The following PDZD4 variants were observed in gnomAD, a reference collection of about 807,000 sequenced individuals.
The protein encoded by PDZD4 is PDZ domain-containing protein 4.
In PDZD4, 9 loss-of-function variants were observed where a neutral mutation model predicts 38.5. That is an observed-to-expected ratio of 0.23 (90% CI 0.14 to 0.41). The LOEUF (loss-of-function observed/expected upper bound fraction) is 0.41. Ranked by LOEUF, PDZD4 falls within the 10% of genes least tolerant of loss-of-function variation. The pLI, the probability that PDZD4 is intolerant of heterozygous loss-of-function variation, is 1.00. For missense variants in PDZD4, 612 were observed against 722.0 expected, an observed-to-expected ratio of 0.85 and a Z score of 1.75; for synonymous variants, 349 against 315.7, an observed-to-expected ratio of 1.11 and a Z score of -1.12.
chrX:153,804,527 C>A lies in PDZD4; in HGVS notation c.1154G>T (p.Arg385Leu), dbSNP rs1280291881. 1 of 1,209,625 alleles carries A rather than the reference C, an allele frequency of 8.3e-7. No individual in the cohort carries two copies. Among genetic ancestry groups the A allele is most frequent in the Non-Finnish European group, 1.1e-6 (1 of 895,280 alleles). The change falls in exon 8 of 8, where the codon CGG (arginine) becomes CTG (leucine). Residue 385 changes from arginine to leucine, a missense_variant. Coordinates refer to ENST00000393758, the MANE Select transcript of PDZD4 (RefSeq NM_001303512.2). Reference sequence around the variant, plus strand: ...CAGGGCGCTGTTGCCTCCGGAGGCCCGGGGAAAGAGGAGGCCCAGCTGGTT... The same window carrying A: ...CAGGGCGCTGTTGCCTCCGGAGGCCAGGGGAAAGAGGAGGCCCAGCTGGTT... ...NGNQLGLLFP[R>L]ASGGNSALDV...
chrX:153,808,048 C>G (rs921029623), intron 2 of PDZD4: 1 of 1,055,719 alleles, frequency 9.5e-7, no homozygotes, highest in Non-Finnish European at 1.2e-6. Flanking sequence ...TGTGAGGCGG[C>G]AGAGGAGAGA....
Position 153,814,488 on chromosome X carries a change from C to CCA in PDZD4, c.61-5894_61-5893insTG, listed in dbSNP as rs1557079439. 4.7e-5 allele frequency among the ~76,000 whole-genome samples: 4 copies of CCA among 85,828 alleles called. 1 individual carries two copies. The highest frequency in any genetic ancestry group is 1.7e-4 in the African/African-American group (4 of 23,598). The allele number at this position is 85,828 out of a possible 115,157, so 74.5% of individuals were successfully genotyped here. A position where few individuals can be genotyped will look rare whatever the true frequency, so the allele number is the denominator to read the frequency against. On this transcript the variant is annotated intron_variant, in intron 1 of 7. Coordinates refer to ENST00000393758, the MANE Select transcript of PDZD4 (RefSeq NM_001303512.2). ...GACTCCATCCACCCCCCACCCCCCC[C>CCA]CCAAAAAAAAGTCTCCTTCATCAAG...
At chrX:153,807,724 C>T in intron 2 of PDZD4, 1 of 460,533 alleles carries the variant, frequency 2.2e-6, no homozygotes, top group South Asian at 4.0e-5. Flanking sequence ...CCCACTCATG[C>T]AACGCCCCCA....
At chrX:153,816,764 T>C (rs1026516620) in intron 1 of PDZD4, among the ~76,000 whole-genome samples, 1 of 111,113 alleles carries the variant, frequency 9.0e-6, no homozygotes, top group Non-Finnish European at 1.9e-5. Flanking sequence ...CTTCCTTCCT[T>C]GTAGCGAAGG....
At chrX:153,819,007 C>A (rs1334182575) in intron 1 of PDZD4, among the ~76,000 whole-genome samples, 5 of 112,560 alleles carry the variant, frequency 4.4e-5, no homozygotes, top group African/African-American at 1.6e-4. Context: ...ACTGGCGGGC[C>A]TTAGGGGACG....
rs1008872147 is a variant in PDZD4 at position 153,810,925 on chromosome X, A to G, written c.61-2330T>C. Reference sequence around the variant, plus strand: ...ATTCTGAAAAGAGCTTTTTGTCAAAATCAGTTTTGTCCGATTATAAAAGAA... The same window carrying G: ...ATTCTGAAAAGAGCTTTTTGTCAAAGTCAGTTTTGTCCGATTATAAAAGAA... On this transcript the variant is annotated intron_variant, in intron 1 of 7. Transcript: ENST00000393758. Among the ~76,000 whole-genome samples the G allele has an allele frequency of 2.7e-5, 3 of 112,657 alleles. No homozygotes were observed. The Admixed American group carries it at 2.8e-4, about 11-fold the overall frequency.
Position 153,804,871 on chromosome X carries a change from G to C in PDZD4, c.810C>G (p.Pro270=), listed in dbSNP as rs1557076332. 4 of 1,209,755 alleles carry C rather than the reference G, an allele frequency of 3.3e-6. No individual in the cohort carries two copies. The highest frequency in any genetic ancestry group is 4.5e-6 in the Non-Finnish European group (4 of 894,462). ...QPGNEEEKGA[P]DAGPGLSNSQ... ...TGTTGCTCAGGCCTGGGCCGGCATC[G>C]GGAGCCCCCTTCTCCTCTTCGTTTC... The change falls in exon 8 of 8, where the codon CCC becomes CCG. Residue 270 remains proline, a synonymous_variant. Coordinates refer to ENST00000393758, the MANE Select transcript of PDZD4 (RefSeq NM_001303512.2).
intron 1 of PDZD4, chrX:153,829,833 C>T (rs1334118142): frequency 2.6e-6 from 2 of 767,966 alleles, no homozygotes; most frequent in East Asian, 1.4e-4. Context: ...GGACCGCGCC[C>T]GGGGACGCCC....
At position 153,805,169 on chromosome X, in the gene PDZD4, G is replaced by A. The variant is rs782583800; in HGVS notation, c.708C>T (p.Phe236=). 8.3e-7 allele frequency: 1 copy of A among 1,211,578 alleles called. No individual in the cohort carries two copies. Among genetic ancestry groups the A allele is most frequent in the East Asian group, 3.0e-5 (1 of 33,838 alleles). Residue 236 remains phenylalanine (F), a synonymous_variant, in exon 7 of 8, where the codon TTC becomes TTT. Coordinates refer to ENST00000393758, the MANE Select transcript of PDZD4 (RefSeq NM_001303512.2). The stretch of plus-strand genomic sequence containing the variant: ...CATTCTCAGAGCCAAAGTCATCCAG[G>A]AAGTCATCCCGGTCGCTGTCCTTCC... ...KRWKDSDRDD[F]LDDFGSENEG...
At position 153,803,794 on chromosome X, in the gene PDZD4, C is replaced by G. The variant is rs782493350; in HGVS notation, c.1887G>C (p.Glu629Asp). 4.1e-6 allele frequency: 5 copies of G among 1,205,685 alleles called. No homozygotes were observed. The East Asian group carries it at 1.5e-4, about 36-fold the overall frequency. The change falls in exon 8 of 8, where the codon GAG becomes GAC. Residue 629 changes from glutamate (E) to aspartate (D), a missense_variant. Physicochemically the swap from Glu to Asp is conservative, Grantham distance 45. This residue lies in a region of PDZD4 where 300 missense variants were observed against 284.6 expected (regional missense o/e 1.05). Transcript: ENST00000393758. ...AAAATEAPRM[E>D]WKVKVRSDGT... The stretch of plus-strand genomic sequence containing the variant: ...CGTCGCTGCGCACCTTCACTTTCCA[C>G]TCCATGCGCGGTGCTTCAGTGGCCG...
chrX:153,803,736 C>G lies in PDZD4; in HGVS notation c.1945G>C (p.Asp649His), dbSNP rs1557075425. 1 of 1,209,629 alleles carries G rather than the reference C, an allele frequency of 8.3e-7. No individual in the cohort carries two copies. Among genetic ancestry groups the G allele is most frequent in the Admixed American group, 2.2e-5 (1 of 46,185 alleles). ...TRYVAKRPVR[D>H]RLLKARALKI... ...AGGGCACGGGCTTTCAGCAGCCGAT[C>G]TCGCACGGGCCGCTTGGCCACGTAG... The change falls in exon 8 of 8, where the codon GAT (aspartate) becomes CAT (histidine). Residue 649 changes from aspartate to histidine, a missense_variant. By Grantham distance (81) the Asp-to-His change is moderately conservative. Around this residue, in one of 3 missense-constraint regions of PDZD4, gnomAD observed 87 missense variants for 126.3 expected, o/e 0.69. Transcript: ENST00000393758.
intron 1 of PDZD4, among the ~76,000 whole-genome samples, chrX:153,809,481 G>A (rs1287178365): frequency 1.2e-4 from 14 of 112,380 alleles, no homozygotes; most frequent in African/African-American, 4.2e-4. Context: ...CAGCTCCTCG[G>A]GAGGCTGAGG....
intron 1 of PDZD4, 108 bp downstream of exon 1, chrX:153,830,131 T>A (rs1557083434): frequency 2.6e-5 from 20 of 757,193 alleles, no homozygotes; most frequent in African/African-American, 2.1e-4. Flanking sequence ...CCCTACCTTG[T>A]CCTCCTCGAG....
rs782659937 is a variant in PDZD4 at position 153,804,535 on chromosome X, G to T, written c.1146C>A (p.Leu382=). The change falls in exon 8 of 8, where the codon CTC becomes CTA. Residue 382 remains leucine, a synonymous_variant. Coordinates refer to ENST00000393758, the MANE Select transcript of PDZD4 (RefSeq NM_001303512.2). Reference sequence around the variant, plus strand: ...TGTTGCCTCCGGAGGCCCGGGGAAAGAGGAGGCCCAGCTGGTTGCCGTTCT... The same window carrying T: ...TGTTGCCTCCGGAGGCCCGGGGAAATAGGAGGCCCAGCTGGTTGCCGTTCT... ...HLENGNQLGL[L]FPRASGGNSA... 2.5e-5 allele frequency: 30 copies of T among 1,208,625 alleles called. No homozygotes were observed. In the South Asian group the frequency reaches 5.3e-4, roughly 21 times the overall value.
Position 153,804,294 on chromosome X carries a change from A to G in PDZD4, c.1387T>C (p.Ser463Pro). The G allele has an allele frequency of 8.3e-7, 1 of 1,208,166 alleles. No homozygotes were observed. The highest frequency in any genetic ancestry group is 2.5e-4 in the Middle Eastern group (1 of 3,989). The change falls in exon 8 of 8, where the codon TCC (serine) becomes CCC (proline). Residue 463 changes from serine (S) to proline (P), a missense_variant. Ser to Pro is a moderately conservative substitution (Grantham distance 74). Transcript: ENST00000393758. ...TTGTCCGACTTCTCGGGCAGCTCGG[A>G]GATGTCGGACAGCTCGTGCTTCTTG... ...EPKKHELSDI[S>P]ELPEKSDKDS...
intron 2 of PDZD4, 36 bp downstream of exon 2, chrX:153,808,306 G>T (rs782547960): frequency 3.4e-5 from 40 of 1,171,402 alleles, no homozygotes; most frequent in Non-Finnish European, 4.6e-5. Context: ...GTCCTCTCTG[G>T]AGGCAGGGCC....
At chrX:153,809,719 A>T (rs1403706109) in intron 1 of PDZD4, among the ~76,000 whole-genome samples, 4 of 113,178 alleles carry the variant, frequency 3.5e-5, no homozygotes, top group African/African-American at 1.3e-4. Context: ...ATTGCAGATG[A>T]GGAAACCATG....
Position 153,803,478 on chromosome X carries a change from T to C in PDZD4, c.2203A>G (p.Met735Val). ...AGGATCTTCTTGTTCCGCTTCTTCA[T>C]GGTTTTGCGGTGGCTCAGGGCAATG... ...NIIALSHRKTMKKRNKKILDN... is the reference protein window; with the variant it reads ...NIIALSHRKTVKKRNKKILDN... The change falls in exon 8 of 8, where the codon ATG becomes GTG. Residue 735 changes from methionine to valine, a missense_variant. By Grantham distance (21) the Met-to-Val change is conservative (BLOSUM62 1). This residue lies in a region of PDZD4 where 87 missense variants were observed against 126.3 expected (regional missense o/e 0.69). Transcript: ENST00000393758. 1 of 1,162,554 alleles carries C rather than the reference T, an allele frequency of 8.6e-7. No individual in the cohort carries two copies. The highest frequency in any genetic ancestry group is 3.0e-5 in the East Asian group (1 of 33,227).
At chrX:153,822,547 C>T (rs1042273319) in intron 1 of PDZD4, among the ~76,000 whole-genome samples, 3 of 111,987 alleles carry the variant, frequency 2.7e-5, no homozygotes, top group African/African-American at 9.7e-5. Flanking sequence ...TGCTCAGCCT[C>T]GCCTCCTCCG....
Sources: allele counts gnomAD v4.1 joint callset (sites outside exome capture counted in the v4.1 genomes callset), GRCh38; gene constraint gnomAD v4.1.1; regional missense constraint gnomAD v4.1.1; transcripts MANE v1.5; gene names NCBI Gene and HGNC (gene_info 2026-07-23, HGNC 2026-07-21).